Variants in ANTXRL observed in about 807,000 individuals in gnomAD.
ANTXRL encodes the protein anthrax toxin receptor-like.
ANTXRL carries 63 observed loss-of-function variants against 75.4 expected under a neutral mutation model. The ratio of observed to expected loss-of-function variants is 0.84; its 90% CI spans 0.68 to 1.03. ANTXRL has a LOEUF of 1.03. Ranked by LOEUF, ANTXRL falls within the 50% of genes least tolerant of loss-of-function variation. The probability of loss-of-function intolerance (pLI) is 0.00; values close to 1 mark genes in which losing one functional copy is unlikely to be tolerated. For missense variants in ANTXRL, 797 were observed against 789.4 expected (o/e 1.01, Z -0.12); for synonymous variants, 335 against 291.3 (o/e 1.15, Z -1.53).
At chr10:46,324,939 G>A (rs1447650382) in intron 16 of ANTXRL, among the ~76,000 whole-genome samples, 1 of 152,108 alleles carries the variant, frequency 6.6e-6, no homozygotes, top group African/African-American at 2.4e-5. Flanking sequence ...ATATCCTCAA[G>A]TTGATTAGGC....
At position 46,329,777 on chromosome 10, in the gene ANTXRL, C is replaced by T. The variant is rs1554967196; in HGVS notation, c.1589C>T (p.Pro530Leu). ...GCCCTCAAACAGGCTCGCTGCAGCC[C>T]AAACATCTGCCTGAGACACAGCCAA... ...CLALKQARCS[P>L]NICLRHSQHS... The change falls in exon 17 of 17, where the codon CCA becomes CTA. Residue 530 changes from proline to leucine, a missense_variant. Physicochemically the swap from Pro to Leu is moderately conservative, Grantham distance 98 (BLOSUM62 -3). This residue lies in a region of ANTXRL where 479 missense variants were observed against 422.0 expected (regional missense o/e 1.14). Coordinates refer to ENST00000620264, the MANE Select transcript of ANTXRL (RefSeq NM_001278688.3). 9.8e-6 allele frequency: 15 copies of T among 1,534,378 alleles called. No individual in the cohort carries two copies. In the Admixed American group the frequency reaches 2.8e-4, roughly 28 times the overall value.
Position 46,323,105 on chromosome 10 carries a change from A to G in ANTXRL, c.1411-6494A>G, listed in dbSNP as rs181729811. Among the ~76,000 whole-genome samples the G allele has an allele frequency of 6.4e-3, 967 of 152,238 alleles. 3 individuals carry two copies. Among genetic ancestry groups the G allele is most frequent in the Non-Finnish European group, 0.01 (710 of 67,996 alleles). ...GTACTACTCCAAAAGTATGTCTTCT[A>G]TTTGTGTAAATATTTACTGACTTGT... On this transcript the variant is annotated intron_variant, in intron 16 of 16. Transcript: ENST00000620264.
intron 16 of ANTXRL, among the ~76,000 whole-genome samples, chr10:46,326,954 C>A (rs1839245787): frequency 6.6e-6 from 1 of 151,990 alleles, no homozygotes. Context: ...GAAGGGACCC[C>A]AACTCTGTGC....
intron 16 of ANTXRL, among the ~76,000 whole-genome samples, chr10:46,328,709 G>T (rs1554966936): frequency 1.3e-5 from 2 of 151,874 alleles, no homozygotes; most frequent in Admixed American, 6.6e-5. Flanking sequence ...GTGGTGGTTT[G>T]TTGCACCACA....
At chr10:46,299,380 G>T (rs1214119082) in intron 9 of ANTXRL, among the ~76,000 whole-genome samples, 3 of 152,132 alleles carry the variant, frequency 2.0e-5, no homozygotes. Flanking sequence ...ATGCCCTCTT[G>T]TCAGCTGGGG....
At chr10:46,296,642 A>AGGCTG (rs1172465725) in intron 5 of ANTXRL, among the ~76,000 whole-genome samples, 6 of 152,058 alleles carry the variant, frequency 3.9e-5, no homozygotes, top group Non-Finnish European at 8.8e-5. Flanking sequence ...ATGGTACAGA[A>AGGCTG]GGCTGTCCAG....
intron 16 of ANTXRL, among the ~76,000 whole-genome samples, chr10:46,318,135 G>A (rs1291313894): frequency 2.0e-5 from 3 of 152,112 alleles, no homozygotes; most frequent in Admixed American, 1.3e-4. Flanking sequence ...AGTGCCCGGG[G>A]TCCTGCTCCG....
At chr10:46,293,797 T>A in intron 2 of ANTXRL, 32 bp from the exon 3 acceptor site, 2 of 1,527,706 alleles carry the variant, frequency 1.3e-6, no homozygotes, top group Non-Finnish European at 1.8e-6. Context: ...CCTGTGCCAC[T>A]GGCTTCTCAC....
intron 1 of ANTXRL, among the ~76,000 whole-genome samples, chr10:46,289,601 C>T (rs1554956008): frequency 2.0e-5 from 3 of 151,314 alleles, no homozygotes; most frequent in Non-Finnish European, 4.4e-5. Flanking sequence ...GTGATGTGTG[C>T]CTCCACTCCC....
intron 1 of ANTXRL, among the ~76,000 whole-genome samples, chr10:46,291,377 GTTC>G (rs147278631): frequency 0.19 from 25,425 of 135,748 alleles, 1,863 homozygotes; most frequent in South Asian, 0.23. Context: ...CCTCAATCTT[GTTC>G]TTCTTTTTCA....
chr10:46,290,431 G>A (rs1554956179), intron 1 of ANTXRL, among the ~76,000 whole-genome samples: 3 of 152,130 alleles, frequency 2.0e-5, no homozygotes, highest in African/African-American at 4.8e-5. Flanking sequence ...TGGTGTATAC[G>A]TATCTCTTGG....
chr10:46,311,765 G>A, intron 15 of ANTXRL, 100 bp downstream of exon 15: 1 of 591,554 alleles, frequency 1.7e-6, no homozygotes, highest in South Asian at 2.0e-5. Flanking sequence ...CCTGGAGGAA[G>A]GCAGGCTCTA....
At chr10:46,301,730 G>A (rs1350923582) in intron 9 of ANTXRL, among the ~76,000 whole-genome samples, 3 of 152,314 alleles carry the variant, frequency 2.0e-5, no homozygotes, top group South Asian at 2.1e-4. Flanking sequence ...AAAGCATGTC[G>A]GTAGGCCAAC....
chr10:46,296,377 C>T, intron 5 of ANTXRL, 125 bp downstream of exon 5: 1 of 1,071,228 alleles, frequency 9.3e-7, no homozygotes, highest in South Asian at 1.4e-5. Context: ...AAGTTGCTCA[C>T]CTGCTCTGAG....
intron 15 of ANTXRL, among the ~76,000 whole-genome samples, chr10:46,312,383 C>G (rs1295326596): frequency 2.0e-5 from 3 of 147,070 alleles, no homozygotes; most frequent in Non-Finnish European, 4.6e-5. Flanking sequence ...CTGAGGGGAA[C>G]CCTGCCAGAC....
At chr10:46,318,061 C>T (rs1046747553) in intron 16 of ANTXRL, among the ~76,000 whole-genome samples, 12 of 152,058 alleles carry the variant, frequency 7.9e-5, no homozygotes, top group Admixed American at 5.2e-4. Flanking sequence ...TAGACCCATA[C>T]CTCAGAGCTC....
In ANTXRL at chr10:46,308,493, C is replaced by G. The variant is rs1432550827; in HGVS notation, c.1045-620C>G. 8.9e-6 allele frequency: 4 copies of G among 448,960 alleles called. No homozygotes were observed. In the Admixed American group the frequency reaches 9.6e-5, roughly 11 times the overall value. The allele number at this position is 448,960 out of a possible 1,614,324, so 27.8% of individuals were successfully genotyped here. A position where few individuals can be genotyped will look rare whatever the true frequency, so the allele number is the denominator to read the frequency against. ...AGTAGAGCTCTGGACATGAGGAAGG[C>G]CTGAGCAGCCTGCCTTCCCACGGAT... On this transcript the variant is annotated intron_variant, in intron 12 of 16. Coordinates refer to ENST00000620264, the MANE Select transcript of ANTXRL (RefSeq NM_001278688.3).
chr10:46,294,145 T>TC, intron 3 of ANTXRL: 1 of 530,662 alleles, frequency 1.9e-6, no homozygotes, highest in South Asian at 2.1e-5. Context: ...CACTTCACGC[T>TC]CCCCTGCCCT....
intron 12 of ANTXRL, chr10:46,308,793 C>T (rs1427240479): frequency 4.9e-6 from 2 of 406,660 alleles, no homozygotes; most frequent in African/African-American, 4.1e-5. Context: ...CACCTCCACC[C>T]TCACCTGTCT....
Sources: allele counts gnomAD v4.1 joint callset (sites outside exome capture counted in the v4.1 genomes callset), GRCh38; gene constraint gnomAD v4.1.1; regional missense constraint gnomAD v4.1.1; transcripts MANE v1.5; gene names NCBI Gene and HGNC (gene_info 2026-07-23, HGNC 2026-07-21).